The following BIRC6 variants were observed in gnomAD, a reference collection of about 807,000 sequenced individuals.
BIRC6 encodes dual E2 ubiquitin-conjugating enzyme/E3 ubiquitin-protein ligase BIRC6.
Under a neutral mutation model 503.3 loss-of-function variants are expected in BIRC6, and 98 were observed. The observed-to-expected ratio is 0.19, with a 90% confidence interval of 0.17 to 0.23. The LOEUF is 0.23. Among genes scored for constraint, BIRC6 ranks in the 10% least tolerant of loss-of-function variants. The pLI is 1.00. For synonymous variants in BIRC6, 2,240 were observed against 2,078.7 expected (o/e 1.08, Z -2.11); for missense variants, 5,360 against 5,806.0 (o/e 0.92, Z 2.50).
chr2:32,547,754 C>T, intron 63 of BIRC6, 96 bp from the exon 64 acceptor site: 1 of 1,139,830 alleles, frequency 8.8e-7, no homozygotes, highest in Admixed American at 3.2e-5. Flanking sequence ...AACTGTTTTC[C>T]ATAGTAGCTT....
intron 1 of BIRC6, among the ~76,000 whole-genome samples, chr2:32,363,686 TA>T (rs2034454950): frequency 6.6e-6 from 1 of 152,234 alleles, no homozygotes. Context: ...TTAGTTCTTT[TA>T]TGAACTCACT....
rs777216910 is a variant in BIRC6, at chr2:32,448,852, CTCT to C, written c.4547_4549del (p.Ser1516del). 1.1e-5 allele frequency: 18 copies of C among 1,613,250 alleles called. No individual in the cohort carries two copies. Among genetic ancestry groups the C allele is most frequent in the Middle Eastern group, 1.7e-4 (1 of 6,060 alleles). ...TCCTCTTTGATTTGGAGATGAGTGG[CTCT>C]TCTTGTAAAAATGTTTATAACAGCA... On this transcript the variant is annotated inframe_deletion, in exon 22 of 74. Coordinates refer to ENST00000421745, the MANE Select transcript of BIRC6 (RefSeq NM_016252.4).
intron 54 of BIRC6, 34 bp downstream of exon 54, chr2:32,513,188 C>T: frequency 6.6e-7 from 1 of 1,515,226 alleles, no homozygotes; most frequent in South Asian, 1.1e-5. Context: ...TTTTATCCCC[C>T]AGTACTAGAT....
chr2:32,412,449 A>C (rs934055588), intron 9 of BIRC6, among the ~76,000 whole-genome samples: 3 of 152,076 alleles, frequency 2.0e-5, no homozygotes, highest in African/African-American at 7.2e-5. Context: ...ATGAGCTGAG[A>C]TTATGCCATT....
chr2:32,417,021 G>C lies in BIRC6; in HGVS notation c.2872+858G>C, dbSNP rs138306630. Among the ~76,000 whole-genome samples the C allele has an allele frequency of 4.5e-3, 689 of 151,966 alleles. 7 individuals are homozygous for C. Among genetic ancestry groups the C allele is most frequent in the African/African-American group, 0.016 (671 of 41,436 alleles). On this transcript the variant is annotated intron_variant, in intron 10 of 73. Coordinates refer to ENST00000421745, the MANE Select transcript of BIRC6 (RefSeq NM_016252.4). ...CGGCTAATTTTTTGTATGTTTAGTA[G>C]AGACAGGGTTTCACCATGTTACCCA...
Position 32,357,334 on chromosome 2 carries a change from T to G in BIRC6, c.173T>G (p.Leu58Arg). Residue 58 changes from leucine (L) to arginine (R), a missense_variant, in exon 1 of 74, where the codon CTG becomes CGG. Leu to Arg is a moderately radical substitution (Grantham distance 102, BLOSUM62 -2). Coordinates refer to ENST00000421745, the MANE Select transcript of BIRC6 (RefSeq NM_016252.4). This position sits in a 1 kb window ranked among gnomAD's most constrained non-coding sequence, Gnocchi z 4.9. Reference protein sequence around the residue: ...GAAGVSEWLVLRDGCMHCDAD... With the variant: ...GAAGVSEWLVRRDGCMHCDAD... The stretch of plus-strand genomic sequence containing the variant: ...GCCGGGGTCTCAGAGTGGCTGGTGC[T>G]GCGGGACGGCTGCATGCACTGCGAC... 1 of 1,540,410 alleles carries G rather than the reference T, an allele frequency of 6.5e-7. No individual in the cohort carries two copies. Among genetic ancestry groups the G allele is most frequent in the South Asian group, 1.2e-5 (1 of 83,456 alleles).
intron 61 of BIRC6, among the ~76,000 whole-genome samples, chr2:32,534,631 T>G (rs1346706219): frequency 6.9e-6 from 1 of 144,394 alleles, no homozygotes; most frequent in South Asian, 2.1e-4. Context: ...CTCGGGAGGC[T>G]GAGGAAGGAG....
intron 16 of BIRC6, among the ~76,000 whole-genome samples, chr2:32,441,028 G>A (rs913747280): frequency 7.2e-5 from 11 of 152,016 alleles, no homozygotes; most frequent in African/African-American, 2.7e-4. Flanking sequence ...CCAAAGCTCT[G>A]GGATTACAGG....
chr2:32,399,046 G>A (rs1177527353), intron 6 of BIRC6, among the ~76,000 whole-genome samples: 1 of 151,530 alleles, frequency 6.6e-6, no homozygotes, highest in Admixed American at 6.6e-5. Context: ...TAAAAACAAT[G>A]GTTCTTTAAG....
intron 61 of BIRC6, among the ~76,000 whole-genome samples, chr2:32,541,379 G>A (rs2057650770): frequency 6.6e-6 from 1 of 152,048 alleles, no homozygotes; most frequent in African/African-American, 2.4e-5. Flanking sequence ...GTTTTATTCA[G>A]TGTACAGATG....
chr2:32,575,438 T>G (rs1266243245), intron 66 of BIRC6, 72 bp downstream of exon 66: 18 of 1,448,900 alleles, frequency 1.2e-5, no homozygotes, highest in Admixed American at 1.7e-5. Flanking sequence ...CATGGGTGTT[T>G]TTGTTTTTCA....
rs77446306 is a variant in BIRC6, at chr2:32,616,739, T to G, written c.14395-986T>G. ...GTGGATTTATTTTAATTTACGGATT[T>G]GTCTTTCTCTCAAAAACGTTTAGCC... On this transcript the variant is annotated intron_variant, in intron 73 of 73. Transcript: ENST00000421745. Among the ~76,000 whole-genome samples the G allele has an allele frequency of 9.7e-3, 1,481 of 152,332 alleles. 20 individuals are homozygous for G. The highest frequency in any genetic ancestry group is 0.014 in the Admixed American group (219 of 15,298).
intron 5 of BIRC6, among the ~76,000 whole-genome samples, chr2:32,392,457 T>C (rs1419924997): frequency 6.6e-6 from 1 of 152,114 alleles, no homozygotes; most frequent in Non-Finnish European, 1.5e-5. Context: ...GGTTTCACCA[T>C]GTTGCCAAGG....
chr2:32,407,480 A>G (rs2041365976), intron 9 of BIRC6, among the ~76,000 whole-genome samples: 1 of 151,364 alleles, frequency 6.6e-6, no homozygotes, highest in Non-Finnish European at 1.5e-5. Context: ...TTTAGATAAG[A>G]TAAGTTCATA....
chr2:32,547,754 C>A, intron 63 of BIRC6, 96 bp from the exon 64 acceptor site: 1 of 1,139,830 alleles, frequency 8.8e-7, no homozygotes, highest in Non-Finnish European at 1.2e-6. Flanking sequence ...AACTGTTTTC[C>A]ATAGTAGCTT....
chr2:32,614,665 T>TA (rs67183353), intron 73 of BIRC6, among the ~76,000 whole-genome samples: 28,861 of 151,520 alleles, frequency 0.19, 2,920 homozygotes, highest in Admixed American at 0.27. Context: ...CCAACTCTAT[T>TA]AAAAGAAAAT....
At chr2:32,399,262 T>G (rs2040334515) in intron 6 of BIRC6, among the ~76,000 whole-genome samples, 1 of 152,098 alleles carries the variant, frequency 6.6e-6, no homozygotes, top group Non-Finnish European at 1.5e-5. Context: ...ATATATGTAT[T>G]TTTAGTAGAG....
intron 61 of BIRC6, among the ~76,000 whole-genome samples, chr2:32,534,072 C>A (rs2056997308): frequency 6.6e-6 from 1 of 152,084 alleles, no homozygotes; most frequent in Non-Finnish European, 1.5e-5. Flanking sequence ...GAGACACTGT[C>A]TGGGCATGGT....
intron 10 of BIRC6, among the ~76,000 whole-genome samples, chr2:32,420,854 A>C (rs996577683): frequency 2.7e-5 from 4 of 150,812 alleles, no homozygotes; most frequent in Non-Finnish European, 5.9e-5. Context: ...TAGGGATGTC[A>C]CCACTCTCAT....
Sources: gnomAD v4.1 joint callset for allele counts (sites outside exome capture counted in the v4.1 genomes callset) on GRCh38, gnomAD v4.1.1 for gene constraint, Gnocchi (gnomAD v3.1) non-coding constraint, MANE v1.5 for transcripts, NCBI Gene and HGNC (gene_info 2026-07-23, HGNC 2026-07-21) for gene names.